Variants in MAP3K13 observed in about 807,000 individuals in gnomAD.
The protein encoded by MAP3K13 is leucine zipper-bearing kinase.
In MAP3K13, 52 loss-of-function variants were observed where a neutral mutation model predicts 104.0. The ratio of observed to expected loss-of-function variants is 0.50; its 90% CI spans 0.40 to 0.63. The LOEUF is 0.63. MAP3K13 is among the 20% of genes least tolerant of loss of function. MAP3K13 has a pLI of 0.00. For missense variants in MAP3K13, 914 were observed against 1,218.5 expected (o/e 0.75, Z 3.72); for synonymous variants, 394 against 442.2 (o/e 0.89, Z 1.37).
intron 2 of MAP3K13, among the ~76,000 whole-genome samples, chr3:185,343,026 G>C (rs1722776547): frequency 6.6e-6 from 1 of 152,020 alleles, no homozygotes; most frequent in Non-Finnish European, 1.5e-5. Context: ...CTGCCCTTAG[G>C]TCATAGAGGC....
At chr3:185,451,542 CAT>C (rs1424131762) in intron 7 of MAP3K13, 147 bp downstream of exon 7, 4 of 588,162 alleles carry the variant, frequency 6.8e-6, no homozygotes, top group Non-Finnish European at 1.2e-5. Flanking sequence ...ATACTTCACA[CAT>C]ATGACATCTT....
chr3:185,360,890 G>A (rs769563450), upstream of MAP3K13, among the ~76,000 whole-genome samples: 22 of 134,000 alleles, frequency 1.6e-4, no homozygotes, highest in Non-Finnish European at 3.0e-4. Context: ...GCAGTGGTGT[G>A]ATCTCAGCTC....
rs545607981 is a variant in MAP3K13, at chr3:185,432,481, C to T, written c.475+3425C>T. Among the ~76,000 whole-genome samples the T allele has an allele frequency of 1.7e-3, 255 of 147,632 alleles. 2 individuals are homozygous for T. The highest frequency in any genetic ancestry group is 6.1e-3 in the South Asian group (28 of 4,626). On this transcript the variant is annotated intron_variant, in intron 2 of 13. Coordinates refer to ENST00000265026, the MANE Select transcript of MAP3K13 (RefSeq NM_004721.5). ...GCTGGATTACAGGCATGAGCCACCA[C>T]GCCCGGCCCTAATTTGTTATTTTTT... is the stretch of plus-strand genomic sequence containing the variant.
At chr3:185,336,575 A>AAGTATCCCT (rs112306862) in intron 2 of MAP3K13, among the ~76,000 whole-genome samples, 137,254 of 147,176 alleles carry the variant, frequency 0.93, 64,174 homozygotes, top group African/African-American at 0.98. Flanking sequence ...AAGTTTAAGG[A>AAGTATCCCT]ATAATATTTC....
Position 185,453,072 on chromosome 3 carries a change from C to T in MAP3K13, c.1278+1677C>T, listed in dbSNP as rs1220582882. 5.3e-5 allele frequency among the ~76,000 whole-genome samples: 8 copies of T among 152,178 alleles called. No individual in the cohort carries two copies. The East Asian group carries it at 1.3e-3, about 26-fold the overall frequency. ...AATGTCATAAGGATTGGTCATCTAA[C>T]CACTATCAATGTGGATAAGGGGGTG... is the stretch of plus-strand genomic sequence containing the variant. On this transcript the variant is annotated intron_variant, in intron 7 of 13. Coordinates refer to ENST00000265026, the MANE Select transcript of MAP3K13 (RefSeq NM_004721.5).
chr3:185,336,390 A>ATT lies in MAP3K13; in HGVS notation c.-86+50747_-86+50748insTT, dbSNP rs553610843. 2.5e-3 allele frequency among the ~76,000 whole-genome samples: 381 copies of ATT among 152,064 alleles called. 1 individual carries two copies. The highest frequency in any genetic ancestry group is 4.2e-3 in the Non-Finnish European group (288 of 67,972). On this transcript the variant is annotated intron_variant, in intron 2 of 14. Transcript: ENST00000424227. ...AACCCCATCTCTACTAAAAATACAA[A>ATT]AATTAGCTGGGCATGGTGGCACATG...
At chr3:185,378,006 T>TG (rs541834394) in intron 1 of MAP3K13, among the ~76,000 whole-genome samples, 14 of 151,046 alleles carry the variant, frequency 9.3e-5, no homozygotes, top group Middle Eastern at 3.4e-3. Context: ...GCTCCTGGGG[T>TG]GGGGGGAGGT....
rs1197096699 is a variant in MAP3K13 at position 185,484,261 on chromosome 3, C to T, written c.*1805C>T. On this transcript the variant is annotated 3_prime_UTR_variant, in exon 14 of 14. Transcript: ENST00000265026. ...GCCAAAAGCATGAGGTCCTGCCTGT[C>T]TCCAGGGTCATGGGCTCTGAAAAGC... 6.6e-6 allele frequency: 1 copy of T among 152,194 alleles called. No individual in the cohort carries two copies. Among genetic ancestry groups the T allele is most frequent in the Non-Finnish European group, 1.5e-5 (1 of 68,040 alleles). 9.4% of individuals were successfully genotyped at this position (152,194 alleles called of 1,614,324 possible).
intron 2 of MAP3K13, chr3:185,329,188 G>A (rs1560050026): frequency 5.7e-6 from 4 of 702,758 alleles, no homozygotes; most frequent in Non-Finnish European, 1.0e-5. Context: ...CAGGTCCCGT[G>A]TGCACGAAAT....
At chr3:185,319,118 C>T (rs1311575106) in intron 2 of MAP3K13, among the ~76,000 whole-genome samples, 1 of 151,996 alleles carries the variant, frequency 6.6e-6, no homozygotes, top group African/African-American at 2.4e-5. Context: ...CTGGGACATG[C>T]CTTTTTTTAA....
chr3:185,405,696 G>A (rs1713076347), intron 1 of MAP3K13, among the ~76,000 whole-genome samples: 1 of 152,190 alleles, frequency 6.6e-6, no homozygotes, highest in Non-Finnish European at 1.5e-5. Flanking sequence ...TTTCTGTGAA[G>A]TTTTCTCTGG....
chr3:185,338,158 G>A (rs74748481), intron 2 of MAP3K13, among the ~76,000 whole-genome samples: 12,822 of 151,600 alleles, frequency 0.085, 722 homozygotes, highest in East Asian at 0.2. Flanking sequence ...GTGAAACCCC[G>A]TCTCTACTAA....
At chr3:185,324,059 A>G (rs1056091326) in intron 2 of MAP3K13, among the ~76,000 whole-genome samples, 2 of 152,008 alleles carry the variant, frequency 1.3e-5, no homozygotes, top group African/African-American at 2.4e-5. Flanking sequence ...CGCCCAGGCT[A>G]GAGTGCAGTG....
intron 3 of MAP3K13, among the ~76,000 whole-genome samples, chr3:185,440,597 T>C (rs1010575319): frequency 1.3e-5 from 2 of 152,086 alleles, no homozygotes; most frequent in African/African-American, 4.8e-5. Context: ...TAGAAAATGA[T>C]AGGAGAGTAA....
chr3:185,393,652 GT>G (rs1345406271), intron 1 of MAP3K13, among the ~76,000 whole-genome samples: 2 of 151,960 alleles, frequency 1.3e-5, no homozygotes, highest in Admixed American at 1.3e-4. Flanking sequence ...TAGAGTTGGG[GT>G]TTCACCGTGT....
chr3:185,356,422 T>C (rs1237496187), intron 2 of MAP3K13, among the ~76,000 whole-genome samples: 1 of 152,204 alleles, frequency 6.6e-6, no homozygotes, highest in Non-Finnish European at 1.5e-5. Context: ...ATTGATTGGC[T>C]TATGTAATTG....
At chr3:185,312,642 C>T (rs6444049) in intron 2 of MAP3K13, among the ~76,000 whole-genome samples, 102,539 of 151,824 alleles carry the variant, frequency 0.68, 36,175 homozygotes, top group Non-Finnish European at 0.78. Flanking sequence ...TATGAGATAT[C>T]AATTGTGGAA....
At chr3:185,295,998 T>C (rs1474100762) in intron 2 of MAP3K13, among the ~76,000 whole-genome samples, 1 of 152,172 alleles carries the variant, frequency 6.6e-6, no homozygotes, top group African/African-American at 2.4e-5. Context: ...TTCCAGCACT[T>C]TCGGAGGCCA....
chr3:185,376,392 G>T (rs546831809), intron 1 of MAP3K13, among the ~76,000 whole-genome samples: 2 of 152,276 alleles, frequency 1.3e-5, no homozygotes, highest in East Asian at 3.9e-4. Flanking sequence ...AAAGTATTAA[G>T]GCAGCGGCAG....
Sources: gnomAD v4.1 joint callset for allele counts (sites outside exome capture counted in the v4.1 genomes callset) on GRCh38, gnomAD v4.1.1 for gene constraint, MANE v1.5 for transcripts, NCBI Gene and HGNC (gene_info 2026-07-23, HGNC 2026-07-21) for gene names.